SCARA5: variants seen among roughly 807,000 people sequenced by gnomAD.
The protein encoded by SCARA5 is scavenger receptor class A member 5.
SCARA5 carries 45 observed loss-of-function variants against 46.3 expected under a neutral mutation model. The observed-to-expected ratio is 0.97, with a 90% CI of 0.76 to 1.24. The LOEUF is 1.24. Ranked by LOEUF, SCARA5 falls within the 50% of genes most tolerant of loss-of-function variation. The pLI is 0.00. For synonymous variants in SCARA5, 333 were observed against 306.5 expected (o/e 1.09, Z -0.90); for missense variants, 680 against 689.0 (o/e 0.99, Z 0.15).
intron 8 of SCARA5, among the ~76,000 whole-genome samples, chr8:27,872,355 T>C (rs1422812020): frequency 6.6e-6 from 1 of 152,262 alleles, no homozygotes; most frequent in Non-Finnish European, 1.5e-5. Context: ...GCGTCAGGAC[T>C]GGCTATTAAA....
intron 3 of SCARA5, among the ~76,000 whole-genome samples, chr8:27,948,039 C>A (rs546852850): frequency 2.0e-5 from 3 of 152,076 alleles, no homozygotes; most frequent in African/African-American, 7.2e-5. Context: ...AAGAGTTCTG[C>A]TAGTGGGTGG....
At chr8:27,899,029 A>G (rs964949583) in intron 7 of SCARA5, among the ~76,000 whole-genome samples, 1 of 152,186 alleles carries the variant, frequency 6.6e-6, no homozygotes, top group African/African-American at 2.4e-5. Flanking sequence ...CTTTATAATA[A>G]ACTGATGAAC....
At chr8:27,897,940 C>T (rs1444836056) in intron 7 of SCARA5, among the ~76,000 whole-genome samples, 1 of 152,258 alleles carries the variant, frequency 6.6e-6, no homozygotes, top group African/African-American at 2.4e-5. Context: ...CTGTTAATGA[C>T]CTCTTAGGAT....
chr8:27,953,618 C>T lies in SCARA5; in HGVS notation c.241+12796G>A, dbSNP rs189520761. Among the ~76,000 whole-genome samples the T allele has an allele frequency of 2.8e-4, 42 of 152,312 alleles. 1 individual carries two copies. Among genetic ancestry groups the T allele is most frequent in the Middle Eastern group, 6.8e-3 (2 of 294 alleles). On this transcript the variant is annotated intron_variant, in intron 3 of 8. Coordinates refer to ENST00000354914, the MANE Select transcript of SCARA5 (RefSeq NM_173833.6). ...TGCCCTTCACGTGGAGCTCTCTAGACGGCAGTTGCTAGCACACAAAGAAAT... is the reference window on the plus strand; with the variant it reads ...TGCCCTTCACGTGGAGCTCTCTAGATGGCAGTTGCTAGCACACAAAGAAAT...
intron 3 of SCARA5, among the ~76,000 whole-genome samples, chr8:27,958,198 C>G (rs368890119): frequency 6.6e-6 from 1 of 152,160 alleles, no homozygotes; most frequent in African/African-American, 2.4e-5. Flanking sequence ...GTCTCTGCCC[C>G]CAACTTCTAC....
intron 4 of SCARA5, among the ~76,000 whole-genome samples, chr8:27,911,426 C>T (rs1807373814): frequency 6.6e-6 from 1 of 152,172 alleles, no homozygotes; most frequent in South Asian, 2.1e-4. Flanking sequence ...GGTGTAGTGG[C>T]TCATGCCCGT....
At chr8:27,883,087 G>A (rs760494219) in intron 7 of SCARA5, among the ~76,000 whole-genome samples, 2 of 152,198 alleles carry the variant, frequency 1.3e-5, no homozygotes, top group Non-Finnish European at 2.9e-5. Context: ...CTTCTCTGAG[G>A]GCTGAGCCCC....
chr8:27,909,282 G>A (rs1375571964), intron 5 of SCARA5, among the ~76,000 whole-genome samples: 6 of 152,130 alleles, frequency 3.9e-5, no homozygotes, highest in African/African-American at 1.4e-4. Flanking sequence ...TGGGGCGGGA[G>A]GGTGGCAGGT....
intron 3 of SCARA5, among the ~76,000 whole-genome samples, chr8:27,938,073 GGGTGCCCATTTCCAAGCTGT>G: frequency 6.6e-6 from 1 of 152,166 alleles, no homozygotes; most frequent in Non-Finnish European, 1.5e-5. Flanking sequence ...CAGTAACGGC[GGGTGCCCATTTCCAAGCTGT>G]GGTCTTGTCA....
intron 4 of SCARA5, among the ~76,000 whole-genome samples, chr8:27,911,732 T>C (rs1349581313): frequency 2.0e-5 from 3 of 152,074 alleles, no homozygotes; most frequent in Non-Finnish European, 2.9e-5. Flanking sequence ...AGGAGGACCA[T>C]GAAAAGTGGC....
At chr8:27,912,406 C>T (rs541800580) in intron 4 of SCARA5, among the ~76,000 whole-genome samples, 2 of 152,306 alleles carry the variant, frequency 1.3e-5, no homozygotes, top group South Asian at 2.1e-4. Context: ...AACAATTCTT[C>T]AATTCACAAG....
intron 8 of SCARA5, among the ~76,000 whole-genome samples, chr8:27,876,040 G>A (rs1806718853): frequency 6.6e-6 from 1 of 152,106 alleles, no homozygotes; most frequent in African/African-American, 2.4e-5. Flanking sequence ...GCCATGAGAA[G>A]GAAGGCCACA....
intron 2 of SCARA5, among the ~76,000 whole-genome samples, chr8:27,971,225 C>T (rs948931513): frequency 2.6e-5 from 4 of 152,168 alleles, no homozygotes; most frequent in African/African-American, 9.7e-5. Context: ...GAGGTTGGTG[C>T]GGAAGGGAGC....
In SCARA5 at chr8:27,987,620, C is replaced by A. The variant is rs1227713335; in HGVS notation, c.-5G>T. 1 of 1,599,088 alleles carries A rather than the reference C, an allele frequency of 6.3e-7. No homozygotes were observed. Among genetic ancestry groups the A allele is most frequent in the Non-Finnish European group, 8.6e-7 (1 of 1,166,324 alleles). ...GTACATAGCTTTGTTCTCCATCACA[C>A]CCTGCAACAGCTGCAGAGAAGGCAA... On this transcript the variant is annotated 5_prime_UTR_variant, in exon 2 of 9. Coordinates refer to ENST00000354914, the MANE Select transcript of SCARA5 (RefSeq NM_173833.6).
chr8:27,880,091 G>T (rs1323390342), intron 7 of SCARA5, among the ~76,000 whole-genome samples: 1 of 152,200 alleles, frequency 6.6e-6, no homozygotes. Flanking sequence ...ATAAGCAGTG[G>T]GGAAAGGACT....
intron 7 of SCARA5, among the ~76,000 whole-genome samples, chr8:27,888,879 C>T (rs1806938182): frequency 6.6e-6 from 1 of 152,216 alleles, no homozygotes. Flanking sequence ...GGGCAGGAGA[C>T]TGGCTCCTGG....
chr8:27,944,939 G>T (rs1452691524), intron 3 of SCARA5, among the ~76,000 whole-genome samples: 1 of 152,058 alleles, frequency 6.6e-6, no homozygotes, highest in African/African-American at 2.4e-5. Context: ...ACTGAGGCAG[G>T]TGGATGACTT....
chr8:27,960,229 C>T (rs952830840), intron 3 of SCARA5, among the ~76,000 whole-genome samples: 11 of 151,026 alleles, frequency 7.3e-5, no homozygotes, highest in East Asian at 5.8e-4. Context: ...GAGGCTGGAG[C>T]GCAATGATGC....
chr8:27,967,838 A>G (rs1247079676), intron 2 of SCARA5, among the ~76,000 whole-genome samples: 2 of 152,164 alleles, frequency 1.3e-5, no homozygotes, highest in African/African-American at 4.8e-5. Flanking sequence ...ACTTGAACCC[A>G]GGAAGCAGAG....
Sources: gnomAD v4.1 joint callset for allele counts (sites outside exome capture counted in the v4.1 genomes callset) on GRCh38, gnomAD v4.1.1 for gene constraint, MANE v1.5 for transcripts, NCBI Gene and HGNC (gene_info 2026-07-23, HGNC 2026-07-21) for gene names.